ZNF624: variants seen among roughly 807,000 people sequenced by gnomAD.
The protein encoded by ZNF624 is zinc finger protein 624.
In ZNF624, 43 loss-of-function variants were observed where a neutral mutation model predicts 74.7. The ratio of observed to expected loss-of-function variants is 0.58; its 90% confidence interval spans 0.45 to 0.74. The LOEUF (loss-of-function observed/expected upper bound fraction) is 0.74, where lower values mean the gene tolerates loss of function less well. Ranked by LOEUF, ZNF624 falls within the 30% of genes least tolerant of loss-of-function variation. The probability of loss-of-function intolerance (pLI) is 0.00; values close to 1 mark genes in which losing one functional copy is unlikely to be tolerated. For missense variants in ZNF624, 820 were observed against 1,030.0 expected, an observed-to-expected ratio of 0.80 and a Z score of 2.79; for synonymous variants, 331 against 341.3, an observed-to-expected ratio of 0.97 and a Z score of 0.33.
At chr17:16,629,184 C>G in intron 5 of ZNF624, among the ~76,000 whole-genome samples, 1 of 121,102 alleles carries the variant, frequency 8.3e-6, no homozygotes, top group South Asian at 2.8e-4. Flanking sequence ...GGCGACAGAG[C>G]GAGACTCCAT....
At chr17:16,649,563 G>A (rs2142659653) in intron 2 of ZNF624, 95 bp downstream of exon 2, 4 of 1,091,344 alleles carry the variant, frequency 3.7e-6, no homozygotes, top group Non-Finnish European at 5.6e-6. Context: ...CCCAGAAGGG[G>A]TGTCGGGGGA....
At chr17:16,635,288 T>C (rs568317085) in intron 3 of ZNF624, among the ~76,000 whole-genome samples, 2 of 152,258 alleles carry the variant, frequency 1.3e-5, no homozygotes, top group Admixed American at 6.5e-5. Context: ...TCGAGGAACT[T>C]TGGGTAAGTT....
At chr17:16,645,362 T>C (rs2142645928) in intron 3 of ZNF624, among the ~76,000 whole-genome samples, 1 of 152,274 alleles carries the variant, frequency 6.6e-6, no homozygotes, top group South Asian at 2.1e-4. Flanking sequence ...CTCCTCTTCA[T>C]CTTGAGGCTA....
downstream of ZNF624, among the ~76,000 whole-genome samples, chr17:16,619,719 C>G (rs924658802): frequency 3.0e-4 from 45 of 152,236 alleles, no homozygotes; most frequent in Admixed American, 7.8e-4. Context: ...TCATCCCCAA[C>G]CCCTTCCCCA....
intron 3 of ZNF624, among the ~76,000 whole-genome samples, chr17:16,639,204 T>C (rs551380529): frequency 6.6e-6 from 1 of 152,284 alleles, no homozygotes; most frequent in East Asian, 1.9e-4. Flanking sequence ...TCAACTTAGA[T>C]CATATTTGGC....
chr17:16,651,698 C>T (rs897678011), intron 1 of ZNF624, among the ~76,000 whole-genome samples: 2 of 152,250 alleles, frequency 1.3e-5, no homozygotes, highest in African/African-American at 4.8e-5. Context: ...TTTTGCAAAT[C>T]TAATGAAAAT....
the ZNF624 span, among the ~76,000 whole-genome samples, chr17:16,614,409 A>G: frequency 6.6e-5 from 10 of 152,224 alleles, no homozygotes; most frequent in Admixed American, 6.5e-4. Context: ...TAAACTATTT[A>G]AAACCAGTAA....
At chr17:16,631,896 A>C (rs1909216606) in intron 5 of ZNF624, among the ~76,000 whole-genome samples, 1 of 152,230 alleles carries the variant, frequency 6.6e-6, no homozygotes, top group African/African-American at 2.4e-5. Context: ...AAATTAGATT[A>C]AACGGAACAA....
At chr17:16,633,126 T>C (rs1404140198) in intron 5 of ZNF624, among the ~76,000 whole-genome samples, 1 of 152,188 alleles carries the variant, frequency 6.6e-6, no homozygotes, top group African/African-American at 2.4e-5. Flanking sequence ...TTTCTTATCC[T>C]CCAATTTATC....
chr17:16,634,056 T>C, intron 4 of ZNF624, 99 bp from the exon 5 acceptor site: 1 of 907,120 alleles, frequency 1.1e-6, no homozygotes, highest in Admixed American at 2.2e-5. Context: ...GAATGACCAT[T>C]ACAGGAAGTT....
the ZNF624 span, among the ~76,000 whole-genome samples, chr17:16,614,463 ATT>A: frequency 6.6e-6 from 1 of 152,164 alleles, no homozygotes; most frequent in Non-Finnish European, 1.5e-5. Context: ...TTTTAAAAGA[ATT>A]TACCAAAATG....
At chr17:16,634,520 A>T in intron 4 of ZNF624, 110 bp downstream of exon 4, 1 of 1,198,812 alleles carries the variant, frequency 8.3e-7, no homozygotes, top group Non-Finnish European at 1.2e-6. Flanking sequence ...TAACCCAACA[A>T]TGTGCCCCTA....
rs562559160 is a variant in ZNF624 at position 16,622,268 on chromosome 17, G to A, written c.*20C>T. ...ATTCATCTTGTGGAGTTGACATCTAGGTGAATGACTTATTGTTCTTTATAT... is the reference window on the plus strand; with the variant it reads ...ATTCATCTTGTGGAGTTGACATCTAAGTGAATGACTTATTGTTCTTTATAT... On this transcript the variant is annotated 3_prime_UTR_variant, in exon 6 of 6. Transcript: ENST00000311331. 1.3e-6 allele frequency: 2 copies of A among 1,508,434 alleles called. No homozygotes were observed. Among genetic ancestry groups the A allele is most frequent in the South Asian group, 1.4e-5 (1 of 72,018 alleles). The allele number at this position is 1,508,434 out of a possible 1,614,324, so 93.4% of individuals were successfully genotyped here.
rs745425110 is a variant in ZNF624, at chr17:16,622,949, C to T, written c.1937G>A (p.Gly646Glu). ...GTATGATTTAGTCCTAAAGGACTTT[C>T]CACAGTCATAACATTTATAGGGTTT... ...GVKPYKCYDCGKSFRTKSYLI... is the reference protein window; with the variant it reads ...GVKPYKCYDCEKSFRTKSYLI... Residue 646 changes from glycine to glutamate, a missense_variant, in exon 6 of 6, where the codon GGA becomes GAA. By Grantham distance (98) the Gly-to-Glu change is moderately conservative. Transcript: ENST00000311331. The T allele has an allele frequency of 1.9e-6, 3 of 1,614,032 alleles. No individual in the cohort carries two copies. Among genetic ancestry groups the T allele is most frequent in the Non-Finnish European group, 2.5e-6 (3 of 1,179,950 alleles).
chr17:16,629,444 T>A (rs1040523790), intron 5 of ZNF624, among the ~76,000 whole-genome samples: 2 of 151,962 alleles, frequency 1.3e-5, no homozygotes, highest in East Asian at 3.9e-4. Context: ...CAGATAGATG[T>A]CCTTTAATGA....
chr17:16,650,379 T>C (rs1909694781), intron 1 of ZNF624, among the ~76,000 whole-genome samples: 1 of 148,700 alleles, frequency 6.7e-6, no homozygotes, highest in East Asian at 2.0e-4. Context: ...ATCCTTTCTA[T>C]ATCAGGCAAA....
At chr17:16,630,743 G>C (rs1909187547) in intron 5 of ZNF624, among the ~76,000 whole-genome samples, 1 of 151,970 alleles carries the variant, frequency 6.6e-6, no homozygotes, top group African/African-American at 2.4e-5. Flanking sequence ...TAAGAAATGA[G>C]ATACTTCATA....
intron 3 of ZNF624, among the ~76,000 whole-genome samples, chr17:16,642,530 T>C (rs928637811): frequency 2.0e-5 from 3 of 152,192 alleles, no homozygotes; most frequent in South Asian, 2.1e-4. Context: ...AAATGGACTA[T>C]AGACCTAAAT....
chr17:16,625,417 G>A (rs1166197229), intron 5 of ZNF624, among the ~76,000 whole-genome samples: 1 of 152,078 alleles, frequency 6.6e-6, no homozygotes, highest in Non-Finnish European at 1.5e-5. Flanking sequence ...TCTGACCTCA[G>A]GTGATCCACC....
Sources: allele counts gnomAD v4.1 joint callset (sites outside exome capture counted in the v4.1 genomes callset), GRCh38; gene constraint gnomAD v4.1.1; transcripts MANE v1.5; gene names NCBI Gene and HGNC (gene_info 2026-07-23, HGNC 2026-07-21).